MPPED2: variants seen among roughly 807,000 people sequenced by gnomAD.
The protein encoded by MPPED2 is metallophosphoesterase MPPED2.
A neutral mutation model predicts 33.0 loss-of-function variants in MPPED2; 5 were observed. The ratio of observed to expected loss-of-function variants is 0.15; its 90% CI spans 0.08 to 0.32. The LOEUF (loss-of-function observed/expected upper bound fraction) is 0.32. Ranked by LOEUF, MPPED2 falls within the 10% of genes least tolerant of loss-of-function variation. The pLI is 1.00. For missense variants in MPPED2, 275 were observed against 372.1 expected, an observed-to-expected ratio of 0.74 and a Z score of 2.15; for synonymous variants, 136 against 141.9, an observed-to-expected ratio of 0.96 and a Z score of 0.29.
rs1948057117 is a variant in MPPED2 at position 30,410,308 on chromosome 11, T to C, written c.*1160A>G. 5 of 985,300 alleles carry C rather than the reference T, an allele frequency of 5.1e-6. No homozygotes were observed. The highest frequency in any genetic ancestry group is 6.0e-6 in the Non-Finnish European group (5 of 829,524). The allele number at this position is 985,300 out of a possible 1,614,324, so 61.0% of individuals were successfully genotyped here. On this transcript the variant is annotated 3_prime_UTR_variant, in exon 7 of 7. Transcript: ENST00000358117. ...AAATTTAAAGAAACAACTGCTTTCC[T>C]AAATTTCATTAACAAAGTAACATAA...
chr11:30,491,594 T>A, intron 4 of MPPED2, among the ~76,000 whole-genome samples: 1 of 152,204 alleles, frequency 6.6e-6, no homozygotes, highest in East Asian at 1.9e-4. Flanking sequence ...TCTATCTTCA[T>A]AACAACCATG....
At chr11:30,473,743 C>A (rs1315803659) in intron 4 of MPPED2, among the ~76,000 whole-genome samples, 1 of 152,178 alleles carries the variant, frequency 6.6e-6, no homozygotes, top group East Asian at 1.9e-4. Context: ...CCTTCTGATT[C>A]AAGACAGTTA....
chr11:30,416,308 G>A (rs1172982784), intron 5 of MPPED2, among the ~76,000 whole-genome samples: 1 of 152,234 alleles, frequency 6.6e-6, no homozygotes, highest in Non-Finnish European at 1.5e-5. Context: ...TATGGCCTCC[G>A]CCATGGTGCT....
chr11:30,559,147 A>G (rs757280916), intron 2 of MPPED2, among the ~76,000 whole-genome samples: 31 of 152,204 alleles, frequency 2.0e-4, no homozygotes, highest in Non-Finnish European at 4.1e-4. Flanking sequence ...ACTAATGAAA[A>G]GTATTCCTTA....
intron 4 of MPPED2, among the ~76,000 whole-genome samples, chr11:30,470,734 G>A (rs1393956798): frequency 3.9e-5 from 6 of 151,974 alleles, no homozygotes; most frequent in African/African-American, 1.5e-4. Context: ...CCAGCTAAGG[G>A]CCTGGTGGCT....
intron 4 of MPPED2, among the ~76,000 whole-genome samples, chr11:30,419,987 A>G (rs1240480735): frequency 1.3e-5 from 2 of 152,182 alleles, no homozygotes; most frequent in Admixed American, 6.5e-5. Context: ...TTGAAACTTA[A>G]AAAGTCCTAA....
intron 5 of MPPED2, among the ~76,000 whole-genome samples, chr11:30,414,942 ACTT>A (rs748927018): frequency 3.3e-4 from 50 of 152,228 alleles, no homozygotes; most frequent in Middle Eastern, 6.8e-3. Flanking sequence ...CTAATTGACT[ACTT>A]TTAAAGTAAA....
intron 3 of MPPED2, among the ~76,000 whole-genome samples, chr11:30,519,046 C>T (rs954494252): frequency 5.9e-5 from 9 of 151,654 alleles, no homozygotes; most frequent in African/African-American, 1.9e-4. Context: ...TTTGAAAGGC[C>T]GGGGCGGGAG....
Position 30,568,901 on chromosome 11 carries a change from C to T in MPPED2, c.128+11345G>A, listed in dbSNP as rs555058849. Among the ~76,000 whole-genome samples, 15 of 152,274 alleles carry T rather than the reference C, an allele frequency of 9.9e-5. No homozygotes were observed. The East Asian group carries it at 2.9e-3, about 29-fold the overall frequency. On this transcript the variant is annotated intron_variant, in intron 2 of 6. Transcript: ENST00000358117. ...CCAGGGCACTTGATTTCCCTAAAAC[C>T]AGCTCCCAAAAGGGCTCATTTTTTT... is the stretch of plus-strand genomic sequence containing the variant.
At chr11:30,510,072 A>G (rs1953069987) in intron 3 of MPPED2, among the ~76,000 whole-genome samples, 1 of 152,248 alleles carries the variant, frequency 6.6e-6, no homozygotes, top group Admixed American at 6.5e-5. Flanking sequence ...AGCAAGTATC[A>G]TGCAGTAACA....
At chr11:30,389,944 C>G (rs1278383856) in intron 6 of MPPED2, among the ~76,000 whole-genome samples, 1 of 152,132 alleles carries the variant, frequency 6.6e-6, no homozygotes, top group Non-Finnish European at 1.5e-5. Flanking sequence ...CACAAAATAC[C>G]CACAGCTACT....
At chr11:30,582,506 G>A (rs572730953) in intron 1 of MPPED2, among the ~76,000 whole-genome samples, 257 of 152,322 alleles carry the variant, frequency 1.7e-3, no homozygotes, top group South Asian at 5.4e-3. Context: ...TGTGACCTCT[G>A]AGTAACAATC....
At chr11:30,404,309 G>A (rs1489953836) in intron 6 of MPPED2, among the ~76,000 whole-genome samples, 3 of 152,230 alleles carry the variant, frequency 2.0e-5, no homozygotes, top group Non-Finnish European at 2.9e-5. Context: ...TGTGCTGAAT[G>A]GGAGAAAACG....
intron 2 of MPPED2, among the ~76,000 whole-genome samples, chr11:30,548,319 T>C (rs578215860): frequency 3.3e-5 from 5 of 152,122 alleles, no homozygotes; most frequent in Non-Finnish European, 7.4e-5. Flanking sequence ...GTTCCAGGGA[T>C]TCTCCCACCT....
chr11:30,483,064 T>C (rs956031741), intron 4 of MPPED2, among the ~76,000 whole-genome samples: 4 of 152,328 alleles, frequency 2.6e-5, no homozygotes, highest in Non-Finnish European at 5.9e-5. Context: ...CTCATGGGCC[T>C]GCCTCTGAAG....
downstream of MPPED2, chr11:30,409,922 C>T: frequency 4.1e-6 from 1 of 242,818 alleles, no homozygotes; most frequent in Non-Finnish European, 6.6e-6. Context: ...CAAACTTGCC[C>T]AAAATAAATC....
chr11:30,581,241 C>A (rs528912671), intron 1 of MPPED2, among the ~76,000 whole-genome samples: 2 of 152,266 alleles, frequency 1.3e-5, no homozygotes, highest in East Asian at 3.9e-4. Flanking sequence ...CCCGATGGAG[C>A]GGTAAAGAAG....
intron 2 of MPPED2, among the ~76,000 whole-genome samples, chr11:30,552,784 C>T (rs1003008309): frequency 6.6e-6 from 1 of 152,130 alleles, no homozygotes; most frequent in Non-Finnish European, 1.5e-5. Context: ...CTGTCAGGCC[C>T]AGACAAGATT....
intron 4 of MPPED2, among the ~76,000 whole-genome samples, chr11:30,440,766 C>A (rs926840472): frequency 1.3e-5 from 2 of 152,170 alleles, no homozygotes; most frequent in Non-Finnish European, 2.9e-5. Flanking sequence ...CTGGCTGAGG[C>A]CTCTCCTTTG....
Sources: gnomAD v4.1 joint callset for allele counts (sites outside exome capture counted in the v4.1 genomes callset) on GRCh38, gnomAD v4.1.1 for gene constraint, MANE v1.5 for transcripts, NCBI Gene and HGNC (gene_info 2026-07-23, HGNC 2026-07-21) for gene names.